Variants in PSMA1 observed in about 807,000 individuals in gnomAD.
PSMA1 encodes proteasome 20S subunit alpha 1.
In PSMA1, 3 loss-of-function variants were observed where a neutral mutation model predicts 38.4. The ratio of observed to expected loss-of-function variants is 0.08; its 90% CI spans 0.04 to 0.20. The LOEUF is 0.20. PSMA1 is among the 10% of genes least tolerant of loss of function. The pLI is 1.00. For synonymous variants in PSMA1, 101 were observed against 107.1 expected, an observed-to-expected ratio of 0.94 and a Z score of 0.35; for missense variants, 227 against 325.3, an observed-to-expected ratio of 0.70 and a Z score of 2.32.
chr11:14,509,378 C>T (rs1171058280), intron 8 of PSMA1, among the ~76,000 whole-genome samples: 2 of 152,114 alleles, frequency 1.3e-5, no homozygotes, highest in Non-Finnish European at 2.9e-5. Context: ...AACCACTACT[C>T]TTCATCTTTA....
intron 2 of PSMA1, among the ~76,000 whole-genome samples, chr11:14,563,591 G>A (rs751022562): frequency 1.2e-4 from 18 of 152,048 alleles, no homozygotes; most frequent in Non-Finnish European, 2.4e-4. Flanking sequence ...TTCAAGCAAT[G>A]GATTAAGGGT....
intron 2 of PSMA1, 144 bp from the exon 3 acceptor site, chr11:14,518,125 G>GGTT (rs1267837078): frequency 8.4e-6 from 5 of 598,268 alleles, no homozygotes; most frequent in Middle Eastern, 9.3e-4. Flanking sequence ...TTTTGAGACA[G>GGTT]GTTCTCACTC....
At chr11:14,641,509 C>A (rs1409272693) in intron 1 of PSMA1, among the ~76,000 whole-genome samples, 1 of 152,130 alleles carries the variant, frequency 6.6e-6, no homozygotes, top group African/African-American at 2.4e-5. Flanking sequence ...GGTCTTTGGT[C>A]ACGTCCTTAC....
intron 2 of PSMA1, among the ~76,000 whole-genome samples, chr11:14,587,524 C>G (rs1426201584): frequency 6.6e-6 from 1 of 152,136 alleles, no homozygotes; most frequent in Non-Finnish European, 1.5e-5. Flanking sequence ...TTCTTCACTG[C>G]TCCATTCATC....
At chr11:14,639,144 C>T (rs1283400380) in intron 1 of PSMA1, among the ~76,000 whole-genome samples, 5 of 152,082 alleles carry the variant, frequency 3.3e-5, no homozygotes, top group African/African-American at 1.2e-4. Flanking sequence ...CCAAAGAATT[C>T]AGGTACTGTC....
intron 9 of PSMA1, among the ~76,000 whole-genome samples, chr11:14,507,292 T>G (rs1235764920): frequency 2.6e-5 from 4 of 151,922 alleles, no homozygotes; most frequent in Non-Finnish European, 5.9e-5. Flanking sequence ...CCTCACCTCC[T>G]GAGTAGCTGG....
chr11:14,516,030 T>G (rs1227591386), intron 4 of PSMA1, among the ~76,000 whole-genome samples: 1 of 150,956 alleles, frequency 6.6e-6, no homozygotes, highest in Non-Finnish European at 1.5e-5. Flanking sequence ...GCCAATATGG[T>G]GAAACCTCGT....
intron 2 of PSMA1, among the ~76,000 whole-genome samples, chr11:14,601,553 ACT>A (rs1227811751): frequency 2.6e-5 from 4 of 152,146 alleles, no homozygotes; most frequent in African/African-American, 9.7e-5. Context: ...TGAGCTGGTA[ACT>A]CTGGGTGAAT....
chr11:14,643,117 T>G (rs549084080), intron 1 of PSMA1, among the ~76,000 whole-genome samples: 1 of 149,728 alleles, frequency 6.7e-6, no homozygotes, highest in Admixed American at 6.6e-5. Flanking sequence ...GCACGTGGAG[T>G]GCTACTAGAG....
At chr11:14,514,593 G>T (rs991743767) in intron 4 of PSMA1, 102 bp from the exon 5 acceptor site, 2 of 885,132 alleles carry the variant, frequency 2.3e-6, no homozygotes, top group South Asian at 2.6e-5. Flanking sequence ...CGTTTACATG[G>T]ATAACATCCA....
chr11:14,595,026 A>G (rs2134190415), intron 2 of PSMA1, among the ~76,000 whole-genome samples: 1 of 150,928 alleles, frequency 6.6e-6, no homozygotes, highest in Middle Eastern at 3.4e-3. Context: ...TTCTATCCTT[A>G]TGACAGTTTG....
chr11:14,517,565 A>T, intron 4 of PSMA1, 77 bp downstream of exon 4: 2 of 1,192,538 alleles, frequency 1.7e-6, no homozygotes, highest in Non-Finnish European at 2.3e-6. Flanking sequence ...TTCCTAAAAT[A>T]CCTTATCTGG....
intron 2 of PSMA1, chr11:14,610,789 C>A: frequency 1.7e-6 from 1 of 592,902 alleles, no homozygotes; most frequent in Non-Finnish European, 2.9e-6. Flanking sequence ...TGGATTTGAG[C>A]ATCTTCTTTC....
At chr11:14,518,725 C>T (rs1851476529) in intron 2 of PSMA1, among the ~76,000 whole-genome samples, 1 of 152,160 alleles carries the variant, frequency 6.6e-6, no homozygotes, top group Non-Finnish European at 1.5e-5. Context: ...CACTGTTTTA[C>T]TCTCTCTATA....
chr11:14,630,470 T>C (rs1852988277), intron 1 of PSMA1, among the ~76,000 whole-genome samples: 1 of 152,204 alleles, frequency 6.6e-6, no homozygotes, highest in African/African-American at 2.4e-5. Context: ...ATTACATTTA[T>C]TGATTTGCGT....
intron 2 of PSMA1, among the ~76,000 whole-genome samples, chr11:14,610,247 C>T (rs531317308): frequency 1.3e-5 from 2 of 152,232 alleles, no homozygotes; most frequent in Admixed American, 1.3e-4. Flanking sequence ...CTCAAAGTGC[C>T]TTTCCTTTAT....
intron 1 of PSMA1, among the ~76,000 whole-genome samples, chr11:14,631,338 TG>T (rs1320890206): frequency 4.6e-5 from 7 of 152,212 alleles, no homozygotes; most frequent in African/African-American, 1.7e-4. Flanking sequence ...CTGCTTTGAA[TG>T]TGTCCCAGAG....
chr11:14,563,343 T>A (rs141993202), intron 2 of PSMA1, among the ~76,000 whole-genome samples: 4 of 152,208 alleles, frequency 2.6e-5, no homozygotes, highest in African/African-American at 9.7e-5. Flanking sequence ...CTGTCCCTTG[T>A]GAGCCATGCA....
rs997872713 is a variant in PSMA1, at chr11:14,536,567, A to G, written c.22-17526T>C. ...CAGAAAAACAAACAAAAAAACTCAG[A>G]TATTTCTTCCTCTAATAGGACAAAG... On this transcript the variant is annotated intron_variant, in intron 2 of 10. Transcript: ENST00000418988. Among the ~76,000 whole-genome samples the G allele has an allele frequency of 6.0e-4, 91 of 151,686 alleles. 3 individuals carry two copies. The highest frequency in any genetic ancestry group is 1.2e-3 in the Admixed American group (19 of 15,222).
Sources: gnomAD v4.1 joint callset for allele counts (sites outside exome capture counted in the v4.1 genomes callset) on GRCh38, gnomAD v4.1.1 for gene constraint, MANE v1.5 for transcripts, NCBI Gene and HGNC (gene_info 2026-07-23, HGNC 2026-07-21) for gene names.